HS3ST4: variants seen among roughly 807,000 people sequenced by gnomAD.
HS3ST4 encodes the protein heparan sulfate-glucosamine 3-sulfotransferase 4.
Under a neutral mutation model 29.2 loss-of-function variants are expected in HS3ST4, and 17 were observed. That is an observed-to-expected ratio of 0.58 (90% CI 0.40 to 0.87). The LOEUF is 0.87. Among genes scored for constraint, HS3ST4 ranks in the 40% least tolerant of loss-of-function variants. The pLI, the probability that HS3ST4 is intolerant of heterozygous loss-of-function variation, is 0.00. For synonymous variants in HS3ST4, 314 were observed against 285.7 expected (o/e 1.10, Z -1.00); for missense variants, 627 against 634.5 (o/e 0.99, Z 0.13).
chr16:25,730,468 C>CTCCT (rs1244398483), intron 1 of HS3ST4, among the ~76,000 whole-genome samples: 26 of 138,132 alleles, frequency 1.9e-4, no homozygotes, highest in Admixed American at 7.5e-4. Flanking sequence ...TTCCTTCCTT[C>CTCCT]TCCTTCCTTC....
intron 1 of HS3ST4, among the ~76,000 whole-genome samples, chr16:25,820,027 A>C (rs1200939043): frequency 9.5e-6 from 1 of 105,102 alleles, no homozygotes; most frequent in Non-Finnish European, 2.5e-5. Flanking sequence ...AAAAAAAAAA[A>C]AAAAAAAAAA....
intron 1 of HS3ST4, among the ~76,000 whole-genome samples, chr16:25,861,561 G>A (rs1412424078): frequency 6.6e-6 from 1 of 152,038 alleles, no homozygotes; most frequent in East Asian, 1.9e-4. Context: ...TTTATGAAAA[G>A]CGCACCAAAA....
chr16:25,875,473 A>T (rs926865859), intron 1 of HS3ST4, among the ~76,000 whole-genome samples: 6 of 152,160 alleles, frequency 3.9e-5, no homozygotes, highest in Non-Finnish European at 5.9e-5. Flanking sequence ...AGATGCACCT[A>T]CATTCCCTGT....
chr16:25,780,665 C>T (rs2141615118), intron 1 of HS3ST4, among the ~76,000 whole-genome samples: 1 of 152,240 alleles, frequency 6.6e-6, no homozygotes, highest in Middle Eastern at 3.4e-3. Flanking sequence ...ACAGTGCGTA[C>T]CTCATCTGTT....
chr16:25,965,942 G>T (rs1036531123), intron 1 of HS3ST4, among the ~76,000 whole-genome samples: 8 of 152,164 alleles, frequency 5.3e-5, no homozygotes, highest in South Asian at 2.1e-4. Context: ...GCCTCCCAAA[G>T]TGCTGGGATT....
At position 25,728,699 on chromosome 16, in the gene HS3ST4, G is replaced by A. The variant is rs558439599; in HGVS notation, c.734+35548G>A. The stretch of plus-strand genomic sequence containing the variant: ...AGAGACTCGGTGGGATAGTGGCAAC[G>A]ATACAAACCAACACTCCAGAAGAGT... On this transcript the variant is annotated intron_variant, in intron 1 of 1. Coordinates refer to ENST00000331351, the MANE Select transcript of HS3ST4 (RefSeq NM_006040.3). Among the ~76,000 whole-genome samples, 5 of 152,282 alleles carry A rather than the reference G, an allele frequency of 3.3e-5. No individual in the cohort carries two copies. In the East Asian group the frequency reaches 7.7e-4, roughly 24 times the overall value.
At chr16:25,905,996 G>T (rs1968175918) in intron 1 of HS3ST4, among the ~76,000 whole-genome samples, 1 of 152,200 alleles carries the variant, frequency 6.6e-6, no homozygotes. Flanking sequence ...CTTTAGCAGT[G>T]CAAATGGTGC....
chr16:26,115,297 G>A (rs7499919), intron 1 of HS3ST4, among the ~76,000 whole-genome samples: 31,173 of 140,340 alleles, frequency 0.22, 3,484 homozygotes, highest in African/African-American at 0.26. Flanking sequence ...AAGTATAAAC[G>A]TATATAAATA....
At chr16:25,937,937 T>C (rs185281014) in intron 1 of HS3ST4, among the ~76,000 whole-genome samples, 5 of 152,196 alleles carry the variant, frequency 3.3e-5, no homozygotes, top group Admixed American at 6.5e-5. Context: ...TTGGTGGAAA[T>C]GGGTGGTGTG....
At chr16:25,845,474 A>G (rs1347417841) in intron 1 of HS3ST4, among the ~76,000 whole-genome samples, 1 of 152,164 alleles carries the variant, frequency 6.6e-6, no homozygotes, top group Non-Finnish European at 1.5e-5. Context: ...GTGCCACTGC[A>G]CTTCAGCCTG....
intron 1 of HS3ST4, among the ~76,000 whole-genome samples, chr16:26,046,002 C>T (rs977538629): frequency 6.6e-6 from 1 of 152,082 alleles, no homozygotes; most frequent in Admixed American, 6.5e-5. Context: ...GACCATAAAA[C>T]ATTTGCTTTC....
chr16:25,931,179 A>C (rs115972624), intron 1 of HS3ST4, among the ~76,000 whole-genome samples: 3,776 of 152,282 alleles, frequency 0.025, 172 homozygotes, highest in African/African-American at 0.087. Context: ...TTGTTTCCCC[A>C]ACAAGCTGCC....
intron 1 of HS3ST4, among the ~76,000 whole-genome samples, chr16:26,009,666 G>T (rs1269403009): frequency 6.6e-6 from 1 of 152,178 alleles, no homozygotes; most frequent in Non-Finnish European, 1.5e-5. Flanking sequence ...GAAGGAAAAC[G>T]GCCAGTTGTA....
At chr16:26,026,435 T>C (rs1479738845) in intron 1 of HS3ST4, among the ~76,000 whole-genome samples, 5 of 152,192 alleles carry the variant, frequency 3.3e-5, no homozygotes, top group Non-Finnish European at 2.9e-5. Context: ...ATTCAGTAGC[T>C]CAATGATGTC....
chr16:25,994,782 TTC>T, intron 1 of HS3ST4, among the ~76,000 whole-genome samples: 1 of 152,234 alleles, frequency 6.6e-6, no homozygotes, highest in South Asian at 2.1e-4. Context: ...ACGAAAGCTC[TTC>T]TATCTCTCAA....
chr16:25,813,165 G>A (rs1014344216), intron 1 of HS3ST4, among the ~76,000 whole-genome samples: 19 of 152,148 alleles, frequency 1.2e-4, no homozygotes, highest in African/African-American at 3.6e-4. Flanking sequence ...GAAAGTCTAC[G>A]AATGGCTAAT....
At chr16:25,975,975 T>C (rs182723710) in intron 1 of HS3ST4, among the ~76,000 whole-genome samples, 1 of 152,320 alleles carries the variant, frequency 6.6e-6, no homozygotes, top group East Asian at 1.9e-4. Flanking sequence ...TCAGATGATT[T>C]ATCTAAGATG....
intron 1 of HS3ST4, among the ~76,000 whole-genome samples, chr16:26,024,752 G>A (rs919438256): frequency 3.3e-5 from 5 of 152,206 alleles, no homozygotes; most frequent in East Asian, 1.9e-4. Flanking sequence ...TCTCATTTAC[G>A]TAGTGCTTTA....
chr16:25,988,727 G>T (rs2141726983), intron 1 of HS3ST4, among the ~76,000 whole-genome samples: 1 of 152,162 alleles, frequency 6.6e-6, no homozygotes, highest in South Asian at 2.1e-4. Flanking sequence ...AGGGTGGAGG[G>T]AGGGAGAGAA....
Sources: gnomAD v4.1 joint callset for allele counts (sites outside exome capture counted in the v4.1 genomes callset) on GRCh38, gnomAD v4.1.1 for gene constraint, MANE v1.5 for transcripts, NCBI Gene and HGNC (gene_info 2026-07-23, HGNC 2026-07-21) for gene names.